Variants in BABAM1 observed in about 807,000 individuals in gnomAD.
BABAM1 encodes the protein BRISC and BRCA1-A complex member 1.
BABAM1 carries 14 observed loss-of-function variants against 34.4 expected under a neutral mutation model. The observed-to-expected ratio is 0.41, with a 90% CI of 0.27 to 0.64. The LOEUF (loss-of-function observed/expected upper bound fraction) is 0.64, where lower values mean the gene tolerates loss of function less well. BABAM1 is among the 30% of genes least tolerant of loss of function. The pLI is 0.34. For synonymous variants in BABAM1, 169 were observed against 165.8 expected (o/e 1.02, Z -0.15); for missense variants, 393 against 434.0 (o/e 0.91, Z 0.84).
At chr19:17,275,898 G>A in intron 6 of BABAM1, 73 bp downstream of exon 6, 2 of 1,528,672 alleles carry the variant, frequency 1.3e-6, no homozygotes, top group South Asian at 1.1e-5. Context: ...GCTCCAAACG[G>A]CACAGAAGTA....
At chr19:17,270,895 T>C (rs538892603) in intron 2 of BABAM1, among the ~76,000 whole-genome samples, 3 of 151,782 alleles carry the variant, frequency 2.0e-5, no homozygotes, top group Non-Finnish European at 2.9e-5. Flanking sequence ...TTTCACCCTG[T>C]TAGCCAGGAT....
chr19:17,274,172 C>G lies in BABAM1; in HGVS notation c.531C>G (p.Ser177=), dbSNP rs1414269237. The change falls in exon 5 of 9, where the codon TCC becomes TCG. Residue 177 remains serine, a synonymous_variant. Transcript: ENST00000598188. Reference sequence around the variant, plus strand: ...GCCTCTATGATCTGGAGACGGCCTCCTGTTCCACCTTCAGTATCCTTCCTG... The same window carrying G: ...GCCTCTATGATCTGGAGACGGCCTCGTGTTCCACCTTCAGTATCCTTCCTG... ...CSCLYDLETA[S]CSTFNLEGLF... The G allele has an allele frequency of 6.2e-7, 1 of 1,613,144 alleles. No individual in the cohort carries two copies. The highest frequency in any genetic ancestry group is 1.1e-5 in the South Asian group (1 of 91,036).
chr19:17,274,389 G>A (rs1477313992), intron 5 of BABAM1: 3 of 631,952 alleles, frequency 4.7e-6, no homozygotes, highest in South Asian at 3.9e-5. Flanking sequence ...TGGAGATGCT[G>A]TAACAATACA....
chr19:17,269,678 G>C (rs1202619245), intron 2 of BABAM1, among the ~76,000 whole-genome samples: 1 of 151,856 alleles, frequency 6.6e-6, no homozygotes, highest in East Asian at 1.9e-4. Flanking sequence ...GCCTCTCGTG[G>C]CTCCTGGCAT....
At chr19:17,272,380 G>A (rs1347612716) in intron 3 of BABAM1, among the ~76,000 whole-genome samples, 3 of 152,032 alleles carry the variant, frequency 2.0e-5, no homozygotes, top group African/African-American at 4.8e-5. Flanking sequence ...ACTCCAGCCT[G>A]GGCGACAGAG....
Position 17,274,095 on chromosome 19 carries a change from G to C in BABAM1, c.466-12G>C, listed in dbSNP as rs1403869108. 6.2e-7 allele frequency: 1 copy of C among 1,613,664 alleles called. No individual in the cohort carries two copies. The highest frequency in any genetic ancestry group is 2.2e-5 in the East Asian group (1 of 44,882). ...CGGGGAGCATCGCACTGAGGCCTCT[G>C]CTTCCCTGCAGCTGTCTGGCCTGAC... On this transcript the variant is annotated splice_polypyrimidine_tract_variant and intron_variant, in intron 4 of 8. Coordinates refer to ENST00000598188, the MANE Select transcript of BABAM1 (RefSeq NM_014173.4).
intron 5 of BABAM1, among the ~76,000 whole-genome samples, chr19:17,274,767 G>A (rs530266163): frequency 1.3e-5 from 2 of 152,066 alleles, no homozygotes; most frequent in Admixed American, 1.3e-4. Flanking sequence ...GACATAAAAG[G>A]CTCATGTGTG....
chr19:17,278,963 C>T lies in BABAM1; in HGVS notation c.905C>T (p.Pro302Leu), dbSNP rs769962372. 1.2e-6 allele frequency: 2 copies of T among 1,612,892 alleles called. No homozygotes were observed. Among genetic ancestry groups the T allele is most frequent in the Non-Finnish European group, 1.7e-6 (2 of 1,179,574 alleles). Residue 302 changes from proline (P) to leucine (L), a missense_variant, in exon 9 of 9, where the codon CCC becomes CTC. Coordinates refer to ENST00000598188, the MANE Select transcript of BABAM1 (RefSeq NM_014173.4). ...TGCATGGCGAAACTGTTGGCCCACC[C>T]CCTGCAGCGGCCTTGCCAGAGCCAT... ...HNCMAKLLAH[P>L]LQRPCQSHAS...
chr19:17,276,350 TG>T, intron 6 of BABAM1, 144 bp from the exon 7 acceptor site: 1 of 1,277,238 alleles, frequency 7.8e-7, no homozygotes, highest in Non-Finnish European at 1.1e-6. Flanking sequence ...GAACCGCTTA[TG>T]GGATGCCTCA....
rs555163333 is a variant in BABAM1 at position 17,276,545 on chromosome 19, C to A, written c.620C>A (p.Pro207Gln). 11 of 1,604,766 alleles carry A rather than the reference C, an allele frequency of 6.9e-6. No individual in the cohort carries two copies. The highest frequency in any genetic ancestry group is 4.5e-5 in the South Asian group (4 of 89,038). The change falls in exon 7 of 9, where the codon CCG becomes CAG. Residue 207 changes from proline to glutamine, a missense_variant. Pro to Gln is a moderately conservative substitution (Grantham distance 76, BLOSUM62 -1). Transcript: ENST00000598188. ...ACAGAGAACGTGCAGACGATTCCCC[C>A]GCCATATGTGGTCCGCACCATCCTT... is the stretch of plus-strand genomic sequence containing the variant. ...PVTENVQTIP[P>Q]PYVVRTILVY... is the part of the protein sequence containing the mutation.
chr19:17,271,746 C>T, intron 3 of BABAM1, 91 bp downstream of exon 3: 1 of 1,430,428 alleles, frequency 7.0e-7, no homozygotes, highest in Non-Finnish European at 9.7e-7. Flanking sequence ...AAACTCACAC[C>T]AGCTTGGTCT....
intron 2 of BABAM1, among the ~76,000 whole-genome samples, chr19:17,271,253 G>A (rs2073837835): frequency 6.6e-6 from 1 of 152,126 alleles, no homozygotes; most frequent in African/African-American, 2.4e-5. Flanking sequence ...CCCTCCCTAA[G>A]TGCTGGGATT....
chr19:17,271,765 G>C, intron 3 of BABAM1, 110 bp downstream of exon 3: 1 of 1,265,384 alleles, frequency 7.9e-7, no homozygotes, highest in Non-Finnish European at 1.1e-6. Context: ...CTGGCTTCAG[G>C]CTTGGCAGTA....
intron 5 of BABAM1, 58 bp downstream of exon 5, chr19:17,274,243 G>A: frequency 6.3e-7 from 1 of 1,588,984 alleles, no homozygotes; most frequent in Non-Finnish European, 8.6e-7. Flanking sequence ...TGTCATCCTT[G>A]GGGCCCAGGA....
intron 4 of BABAM1, 36 bp downstream of exon 4, chr19:17,274,060 C>T (rs2073879323): frequency 6.2e-7 from 1 of 1,613,584 alleles, no homozygotes; most frequent in Non-Finnish European, 8.5e-7. Flanking sequence ...CCCTGGGGTC[C>T]CCTGGGGCCC....
chr19:17,269,052 C>A lies in BABAM1; in HGVS notation c.246C>A (p.Val82=). Residue 82 remains valine, a synonymous_variant, in exon 2 of 9, where the codon GTC becomes GTA. Transcript: ENST00000598188. ...SWQVPPPAPE[V]QIRTPRVNCP... ...AGGTGCCCCCGCCAGCCCCTGAGGTCCAAATTCGGACACCAAGGGTCAACT... is the reference window on the plus strand; with the variant it reads ...AGGTGCCCCCGCCAGCCCCTGAGGTACAAATTCGGACACCAAGGGTCAACT... The A allele has an allele frequency of 6.2e-7, 1 of 1,605,624 alleles. No individual in the cohort carries two copies. Among genetic ancestry groups the A allele is most frequent in the East Asian group, 2.2e-5 (1 of 44,666 alleles).
At chr19:17,271,517 A>C in intron 2 of BABAM1, 80 bp from the exon 3 acceptor site, 1 of 1,489,728 alleles carries the variant, frequency 6.7e-7, no homozygotes, top group Non-Finnish European at 9.3e-7. Flanking sequence ...CAGACAAGGC[A>C]GCTTGAAGAG....
intron 3 of BABAM1, 134 bp from the exon 4 acceptor site, chr19:17,273,770 G>C (rs2073874478): frequency 1.7e-6 from 2 of 1,206,104 alleles, no homozygotes; most frequent in Admixed American, 2.9e-5. Context: ...TCACCATCTT[G>C]ACCAGGCTGG....
chr19:17,273,387 G>A (rs2073864726), intron 3 of BABAM1, among the ~76,000 whole-genome samples: 1 of 152,098 alleles, frequency 6.6e-6, no homozygotes. Flanking sequence ...GGGGAAACTT[G>A]AGCCCCATGC....
Sources: gnomAD v4.1 joint callset for allele counts (sites outside exome capture counted in the v4.1 genomes callset) on GRCh38, gnomAD v4.1.1 for gene constraint, MANE v1.5 for transcripts, NCBI Gene and HGNC (gene_info 2026-07-23, HGNC 2026-07-21) for gene names.